The following FHOD3 variants were observed in gnomAD, a reference collection of about 807,000 sequenced individuals.
The protein encoded by FHOD3 is FH1/FH2 domain-containing protein 3.
A neutral mutation model predicts 173.0 loss-of-function variants in FHOD3; 90 were observed. The ratio of observed to expected loss-of-function variants is 0.52; its 90% CI spans 0.44 to 0.62. FHOD3 has a LOEUF of 0.62. FHOD3 is among the 20% of genes least tolerant of loss of function. FHOD3 has a pLI of 0.00. For synonymous variants in FHOD3, 828 were observed against 823.0 expected (o/e 1.01, Z -0.10); for missense variants, 1,945 against 2,034.7 (o/e 0.96, Z 0.85).
rs187046432 is a variant in FHOD3 at position 36,586,016 on chromosome 18, A to G, written c.607-8771A>G. ...CCCATCTGCCAGCCCTTCTCCCCCT[A>G]CTCCAAAGAGATGTGAGCTGCCTGC... is the stretch of plus-strand genomic sequence containing the variant. On this transcript the variant is annotated intron_variant, in intron 6 of 28. Coordinates refer to ENST00000590592, the MANE Select transcript of FHOD3 (RefSeq NM_001281740.3). Among the ~76,000 whole-genome samples the G allele has an allele frequency of 2.6e-5, 4 of 151,818 alleles. No individual in the cohort carries two copies. In the East Asian group the frequency reaches 7.8e-4, roughly 30 times the overall value.
At chr18:36,773,963 G>A (rs2043512471) in intron 28 of FHOD3, among the ~76,000 whole-genome samples, 2 of 152,226 alleles carry the variant, frequency 1.3e-5, no homozygotes, top group Non-Finnish European at 1.5e-5. Flanking sequence ...AATCTGGGAA[G>A]GGGAAAGGCA....
intron 20 of FHOD3, among the ~76,000 whole-genome samples, chr18:36,734,372 A>G (rs533003190): frequency 6.6e-6 from 1 of 152,316 alleles, no homozygotes; most frequent in Admixed American, 6.5e-5. Flanking sequence ...GATGCCAGTA[A>G]CACCTACCCT....
chr18:36,774,920 G>T (rs1345029007), intron 28 of FHOD3, among the ~76,000 whole-genome samples: 2 of 152,142 alleles, frequency 1.3e-5, no homozygotes, highest in African/African-American at 4.8e-5. Flanking sequence ...AAAATTACCG[G>T]CCAGTTATTT....
At chr18:36,439,190 A>T (rs2050984989) in intron 3 of FHOD3, among the ~76,000 whole-genome samples, 1 of 152,224 alleles carries the variant, frequency 6.6e-6, no homozygotes, top group Admixed American at 6.5e-5. Flanking sequence ...GTTAATATAT[A>T]GTTTTCTAAA....
chr18:36,403,036 G>C (rs1371044851), intron 3 of FHOD3, among the ~76,000 whole-genome samples: 1 of 152,216 alleles, frequency 6.6e-6, no homozygotes, highest in Non-Finnish European at 1.5e-5. Flanking sequence ...TTCGAGGATA[G>C]TTTTGTTGGG....
chr18:36,663,946 C>T (rs1387537460), intron 14 of FHOD3, among the ~76,000 whole-genome samples: 1 of 152,138 alleles, frequency 6.6e-6, no homozygotes, highest in Non-Finnish European at 1.5e-5. Context: ...CCTTCCCTGA[C>T]CTCACTAGTC....
At chr18:36,340,802 A>T (rs938774952) in intron 1 of FHOD3, among the ~76,000 whole-genome samples, 2 of 151,588 alleles carry the variant, frequency 1.3e-5, no homozygotes, top group Non-Finnish European at 2.9e-5. Flanking sequence ...ACGCCCGGCT[A>T]ATTTTTTTGT....
intron 3 of FHOD3, among the ~76,000 whole-genome samples, chr18:36,465,290 T>A (rs1459946505): frequency 2.0e-5 from 3 of 152,116 alleles, no homozygotes; most frequent in African/African-American, 7.2e-5. Flanking sequence ...ATCATGCAAT[T>A]GCACTCCAGC....
intron 3 of FHOD3, among the ~76,000 whole-genome samples, chr18:36,424,446 A>G (rs529430138): frequency 6.6e-6 from 1 of 151,940 alleles, no homozygotes; most frequent in Admixed American, 6.5e-5. Flanking sequence ...GTTCATGTTT[A>G]TTGTCTTGTC....
intron 5 of FHOD3, among the ~76,000 whole-genome samples, chr18:36,572,980 G>A (rs902322669): frequency 1.3e-5 from 2 of 152,010 alleles, no homozygotes; most frequent in Non-Finnish European, 1.5e-5. Context: ...GGGAAGAAAT[G>A]GGAAAAAATA....
chr18:36,461,380 C>T (rs1249208237), intron 3 of FHOD3, among the ~76,000 whole-genome samples: 1 of 151,906 alleles, frequency 6.6e-6, no homozygotes, highest in Non-Finnish European at 1.5e-5. Context: ...TAGATTGTTA[C>T]TGGGAATAAA....
At chr18:36,755,772 A>G (rs2042608782) in intron 25 of FHOD3, among the ~76,000 whole-genome samples, 2 of 152,300 alleles carry the variant, frequency 1.3e-5, no homozygotes, top group South Asian at 4.1e-4. Context: ...TGGACCACCC[A>G]TTGTGGGCAT....
chr18:36,718,364 T>TCTC lies in FHOD3; in HGVS notation c.3067_3068insTCC (p.Pro1022_Pro1023insLeu). 2 of 1,312,962 alleles carry TCTC rather than the reference T, an allele frequency of 1.5e-6. No homozygotes were observed. Among genetic ancestry groups the TCTC allele is most frequent in the South Asian group, 2.5e-5 (2 of 79,504 alleles). 81.3% of individuals were successfully genotyped at this position (1,312,962 alleles called of 1,614,324 possible). ...GTCACAGGGAGGCCCCTGGGCCACC[T>TCTC]CCCCCACCCCCACCCACCTTTCTGG... On this transcript the variant is annotated inframe_insertion, in exon 19 of 29. Transcript: ENST00000590592.
chr18:36,777,548 G>T (rs2043766888), intron 28 of FHOD3: 1 of 152,044 alleles, frequency 6.6e-6, no homozygotes, highest in Non-Finnish European at 1.5e-5. Flanking sequence ...TGCAGCAAGA[G>T]GTCTTTCTTG....
intron 3 of FHOD3, among the ~76,000 whole-genome samples, chr18:36,474,778 A>C (rs927515704): frequency 1.3e-5 from 2 of 152,100 alleles, no homozygotes; most frequent in Non-Finnish European, 2.9e-5. Flanking sequence ...GGAGCGGTTC[A>C]CAGAGCCAAG....
intron 5 of FHOD3, among the ~76,000 whole-genome samples, chr18:36,522,052 A>G (rs1408686071): frequency 2.0e-5 from 3 of 152,314 alleles, no homozygotes; most frequent in South Asian, 2.1e-4. Context: ...CCCTCTATGC[A>G]TACCCTGGTC....
rs142395550 is a variant in FHOD3, at chr18:36,553,469, G to A, written c.512-22982G>A. Among the ~76,000 whole-genome samples the A allele has an allele frequency of 2.0e-3, 303 of 152,156 alleles. 8 individuals are homozygous for A. The East Asian group carries it at 0.051, about 26-fold the overall frequency. On this transcript the variant is annotated intron_variant, in intron 5 of 28. Transcript: ENST00000590592. Reference sequence around the variant, plus strand: ...GGTCATGGGCTTTTTTTTGTTGGTAGGCTATTGATTATTGCCTCAATTTCA... The same window carrying A: ...GGTCATGGGCTTTTTTTTGTTGGTAAGCTATTGATTATTGCCTCAATTTCA...
intron 5 of FHOD3, among the ~76,000 whole-genome samples, chr18:36,573,586 A>G (rs2058537558): frequency 6.6e-6 from 1 of 152,224 alleles, no homozygotes; most frequent in South Asian, 2.1e-4. Context: ...CGTGGGTGAC[A>G]GCGTGAGACC....
At chr18:36,435,283 A>G (rs1478979656) in intron 3 of FHOD3, among the ~76,000 whole-genome samples, 1 of 152,066 alleles carries the variant, frequency 6.6e-6, no homozygotes. Context: ...TGCTAAAACC[A>G]CTGTGTATGT....
Sources: allele counts gnomAD v4.1 joint callset (sites outside exome capture counted in the v4.1 genomes callset), GRCh38; gene constraint gnomAD v4.1.1; transcripts MANE v1.5; gene names NCBI Gene and HGNC (gene_info 2026-07-23, HGNC 2026-07-21).